ANK1: variants seen among roughly 807,000 people sequenced by gnomAD.
The protein encoded by ANK1 is ankyrin 1.
ANK1 carries 51 observed loss-of-function variants against 210.4 expected under a neutral mutation model. That is an observed-to-expected ratio of 0.24 (90% confidence interval 0.19 to 0.31). The LOEUF (loss-of-function observed/expected upper bound fraction) is 0.31, where lower values mean the gene tolerates loss of function less well. Among genes scored for constraint, ANK1 ranks in the 10% least tolerant of loss-of-function variants. ANK1 has a pLI of 1.00. For synonymous variants in ANK1, 967 were observed against 1,025.9 expected (o/e 0.94, Z 1.10); for missense variants, 2,051 against 2,504.4 (o/e 0.82, Z 3.86).
At chr8:41,681,985 C>A (rs933141148) in intron 37 of ANK1, among the ~76,000 whole-genome samples, 1 of 152,192 alleles carries the variant, frequency 6.6e-6, no homozygotes, top group Non-Finnish European at 1.5e-5. Flanking sequence ...ACAGAACATT[C>A]GACTGTGACC....
At chr8:41,703,450 A>ATATATATATATATTTTTTTTTTTTT (rs59985416) in intron 20 of ANK1, among the ~76,000 whole-genome samples, 1 of 58,818 alleles carries the variant, frequency 1.7e-5, no homozygotes, top group African/African-American at 9.0e-5. Flanking sequence ...ATATATATAT[A>ATATATATATATATTTTTTTTTTTTT]TTTTTTTTTT....
intron 16 of ANK1, among the ~76,000 whole-genome samples, chr8:41,711,238 C>T (rs1411204847): frequency 2.0e-5 from 3 of 152,112 alleles, no homozygotes; most frequent in Non-Finnish European, 1.5e-5. Flanking sequence ...CACCAGTCAG[C>T]GCTGGCCCAG....
chr8:41,827,818 TAC>T (rs1194842781), intron 1 of ANK1, among the ~76,000 whole-genome samples: 1 of 96,022 alleles, frequency 1.0e-5, no homozygotes, highest in East Asian at 2.7e-4. Flanking sequence ...CACACCCACA[TAC>T]ACACACGCAC....
intron 1 of ANK1, among the ~76,000 whole-genome samples, chr8:41,827,862 C>T (rs111512623): frequency 6.6e-6 from 1 of 151,758 alleles, no homozygotes; most frequent in Non-Finnish European, 1.5e-5. Context: ...CATACACCCA[C>T]TCACACACCC....
At chr8:41,866,453 C>G (rs1587510659) in intron 1 of ANK1, among the ~76,000 whole-genome samples, 1 of 152,226 alleles carries the variant, frequency 6.6e-6, no homozygotes, top group East Asian at 1.9e-4. Context: ...CTTGGCCTCC[C>G]AAAGTGCTGA....
In ANK1 at chr8:41,696,433, G is replaced by A. The variant is rs1427523626; in HGVS notation, c.2890C>T (p.Pro964Ser). ...GCCAGGCCCTCCTCCTCGGCCAGTGGGGGCGGCGTGCTGAGCTTCTGGGGC... is the reference window on the plus strand; with the variant it reads ...GCCAGGCCCTCCTCCTCGGCCAGTGAGGGCGGCGTGCTGAGCTTCTGGGGC... ...VKPQKLSTPP[P>S]LAEEEGLASR... The change falls in exon 26 of 43, where the codon CCA becomes TCA. Residue 964 changes from proline (P) to serine (S), a missense_variant. By Grantham distance (74) the Pro-to-Ser change is moderately conservative. Transcript: ENST00000289734. The A allele has an allele frequency of 4.3e-6, 7 of 1,613,172 alleles. No homozygotes were observed. Among genetic ancestry groups the A allele is most frequent in the African/African-American group, 1.3e-5 (1 of 74,950 alleles).
At chr8:41,715,378 C>T (rs1827344064) in intron 14 of ANK1, among the ~76,000 whole-genome samples, 1 of 152,218 alleles carries the variant, frequency 6.6e-6, no homozygotes, top group African/African-American at 2.4e-5. Context: ...CTGTTTGTGA[C>T]TTGCCCAAAG....
intron 2 of ANK1, among the ~76,000 whole-genome samples, chr8:41,745,749 A>AT (rs1835963246): frequency 6.6e-6 from 1 of 152,060 alleles, no homozygotes; most frequent in African/African-American, 2.4e-5. Context: ...CCCAGGCTGG[A>AT]GTACTATGGC....
intron 3 of ANK1, among the ~76,000 whole-genome samples, chr8:41,732,486 C>T (rs1832415047): frequency 6.6e-6 from 1 of 152,122 alleles, no homozygotes; most frequent in African/African-American, 2.4e-5. Context: ...GATCTCGGCT[C>T]ACCGCAACCT....
intron 1 of ANK1, among the ~76,000 whole-genome samples, chr8:41,846,144 C>T (rs192930978): frequency 1.5e-4 from 23 of 152,330 alleles, no homozygotes; most frequent in East Asian, 1.4e-3. Context: ...ACAAACAAGA[C>T]GCCTCTGGCC....
chr8:41,696,753 C>T lies in ANK1; in HGVS notation c.2658G>A (p.Glu886=), dbSNP rs1201879656. 6.2e-7 allele frequency: 1 copy of T among 1,600,972 alleles called. No homozygotes were observed. Among genetic ancestry groups the T allele is most frequent in the Non-Finnish European group, 8.5e-7 (1 of 1,179,890 alleles). ...CCGGGCTGCTGGGGATGAGGGAGTC[C>T]TCATCATACTCTTTAGATGCCTGAG... is the stretch of plus-strand genomic sequence containing the variant. ...EQEQASKEYD[E]DSLIPSSPAT... is the part of the protein sequence containing the mutation. Residue 886 remains glutamate (E), a synonymous_variant, in exon 25 of 43, where the codon GAG becomes GAA. Transcript: ENST00000289734.
intron 1 of ANK1, among the ~76,000 whole-genome samples, chr8:41,874,944 A>G (rs1816276044): frequency 6.6e-6 from 1 of 152,184 alleles, no homozygotes; most frequent in Non-Finnish European, 1.5e-5. Context: ...CGGTCTGACT[A>G]TGGAACAAAA....
At position 41,717,378 on chromosome 8, in the gene ANK1, C is replaced by T. The variant is rs114247100; in HGVS notation, c.1305+226G>A. On this transcript the variant is annotated intron_variant, in intron 12 of 42. Transcript: ENST00000289734. ...TGTATTCCCAGTGAACACTTACAGA[C>T]GTTCCAAAATTATTGTCCAAAACAA... Among the ~76,000 whole-genome samples the T allele has an allele frequency of 3.0e-3, 462 of 152,298 alleles. 2 individuals carry two copies. The highest frequency in any genetic ancestry group is 0.011 in the African/African-American group (437 of 41,570).
intron 1 of ANK1, among the ~76,000 whole-genome samples, chr8:41,832,749 A>G (rs1806918858): frequency 6.6e-6 from 1 of 152,252 alleles, no homozygotes. Flanking sequence ...AATTTCAGAT[A>G]AAAAATAAAT....
intron 3 of ANK1, among the ~76,000 whole-genome samples, chr8:41,731,779 G>A (rs117704252): frequency 0.014 from 2,165 of 152,296 alleles, 30 homozygotes; most frequent in Non-Finnish European, 0.022. Flanking sequence ...TCACAACCTG[G>A]GGAGGAGATT....
intron 24 of ANK1, chr8:41,697,722 C>G (rs560573171): frequency 2.3e-6 from 1 of 427,418 alleles, no homozygotes; most frequent in South Asian, 2.1e-5. Context: ...GGCTGGAGTT[C>G]CTACCCTAGG....
At position 41,896,510 on chromosome 8, in the gene ANK1, C is replaced by T. The variant is rs186249204; in HGVS notation, c.-30G>A. 1.3e-3 allele frequency: 2,121 copies of T among 1,574,394 alleles called. 24 individuals carry two copies. The African/African-American group carries it at 0.025, about 19-fold the overall frequency. The stretch of plus-strand genomic sequence containing the variant: ...GGTCACGGCGCTCCCGTCCCCGCCT[C>T]CTGGACCCCTAGCGCTCAGCGATCC... On this transcript the variant is annotated 5_prime_UTR_variant, in exon 1 of 43. Coordinates refer to the ANK1 transcript ENST00000265709.
intron 1 of ANK1, among the ~76,000 whole-genome samples, chr8:41,861,069 G>A (rs1468861090): frequency 6.6e-6 from 1 of 152,202 alleles, no homozygotes; most frequent in Non-Finnish European, 1.5e-5. Context: ...GAATCAACAG[G>A]TGCCAGGCCG....
At chr8:41,829,119 C>T (rs1272389978) in intron 1 of ANK1, 1 of 152,318 alleles carries the variant, frequency 6.6e-6, no homozygotes, top group Non-Finnish European at 1.5e-5. Context: ...TCTGGCCTCC[C>T]TACGGGGACG....
Sources: allele counts gnomAD v4.1 joint callset (sites outside exome capture counted in the v4.1 genomes callset), GRCh38; gene constraint gnomAD v4.1.1; transcripts MANE v1.5; gene names NCBI Gene and HGNC (gene_info 2026-07-23, HGNC 2026-07-21).